EPB41L5: variants seen among roughly 807,000 people sequenced by gnomAD.
EPB41L5 encodes the protein erythrocyte membrane protein band 4.1 like 5, also known as band 4.1-like protein 5.
EPB41L5 carries 55 observed loss-of-function variants against 106.6 expected under a neutral mutation model. That is an observed-to-expected ratio of 0.52 (90% CI 0.42 to 0.65). The LOEUF is 0.65. EPB41L5 is among the 30% of genes least tolerant of loss of function. The pLI is 0.00. For missense variants in EPB41L5, 871 were observed against 882.1 expected (o/e 0.99, Z 0.16); for synonymous variants, 297 against 306.7 (o/e 0.97, Z 0.33).
chr2:120,028,614 C>T (rs1713062), intron 2 of EPB41L5, among the ~76,000 whole-genome samples: 38,716 of 151,940 alleles, frequency 0.25, 5,289 homozygotes, highest in South Asian at 0.35. Flanking sequence ...GAGACTGCTA[C>T]GGTAATACAG....
Position 120,090,390 on chromosome 2 carries a change from C to A in EPB41L5, c.917C>A (p.Pro306Gln). The A allele has an allele frequency of 6.2e-7, 1 of 1,612,878 alleles. No individual in the cohort carries two copies. The highest frequency in any genetic ancestry group is 8.5e-7 in the Non-Finnish European group (1 of 1,179,590). Residue 306 changes from proline to glutamine, a missense_variant, in exon 12 of 25, where the codon CCA (proline) becomes CAA (glutamine). Coordinates refer to ENST00000263713, the MANE Select transcript of EPB41L5 (RefSeq NM_020909.4). ...EHTFVFRLDHPKACKHLWKCA... is the reference protein window; with the variant it reads ...EHTFVFRLDHQKACKHLWKCA... ...ACATTTGTCTTTAGACTGGATCATC[C>A]AAAAGCATGCAAACATTTATGGAAA...
At chr2:120,150,895 T>C (rs1686642730) in intron 20 of EPB41L5, among the ~76,000 whole-genome samples, 1 of 152,250 alleles carries the variant, frequency 6.6e-6, no homozygotes, top group South Asian at 2.1e-4. Flanking sequence ...TCTACTTTTC[T>C]TAGGTTGTCT....
chr2:120,090,185 T>C (rs1346695655), intron 11 of EPB41L5, among the ~76,000 whole-genome samples, 162 bp from the exon 12 acceptor site: 1 of 151,568 alleles, frequency 6.6e-6, no homozygotes, highest in Non-Finnish European at 1.5e-5. Flanking sequence ...AATGAGCAAC[T>C]TGATTTCAGC....
At position 120,080,624 on chromosome 2, in the gene EPB41L5, G is replaced by A. The variant is rs1259104961; in HGVS notation, c.803+2043G>A. Among the ~76,000 whole-genome samples, 3 of 152,212 alleles carry A rather than the reference G, an allele frequency of 2.0e-5. No homozygotes were observed. The East Asian group carries it at 5.8e-4, about 29-fold the overall frequency. On this transcript the variant is annotated intron_variant, in intron 10 of 24. Coordinates refer to ENST00000263713, the MANE Select transcript of EPB41L5 (RefSeq NM_020909.4). Reference sequence around the variant, plus strand: ...TTATAATCCTTTGGGTATATACCCAGTAATGGGATGGCTGGGTCAGATGGT... The same window carrying A: ...TTATAATCCTTTGGGTATATACCCAATAATGGGATGGCTGGGTCAGATGGT...
chr2:120,112,842 CCTT>C (rs1349305369), intron 16 of EPB41L5, among the ~76,000 whole-genome samples: 2 of 152,136 alleles, frequency 1.3e-5, no homozygotes, highest in Non-Finnish European at 2.9e-5. Flanking sequence ...CTCATTTAAT[CCTT>C]ATGAGGATCT....
chr2:120,032,032 A>G (rs1678746944), intron 2 of EPB41L5, among the ~76,000 whole-genome samples: 1 of 152,188 alleles, frequency 6.6e-6, no homozygotes, highest in Admixed American at 6.5e-5. Flanking sequence ...GCAGAAAGAA[A>G]TGCATTTTGC....
intron 17 of EPB41L5, 27 bp downstream of exon 17, chr2:120,127,878 G>A (rs752037908): frequency 1.3e-6 from 2 of 1,517,500 alleles, no homozygotes; most frequent in Non-Finnish European, 1.8e-6. Flanking sequence ...TTATACATCA[G>A]TGATACCTTT....
In EPB41L5 at chr2:120,045,731, G is replaced by A. The variant is rs538507553; in HGVS notation, c.285+3621G>A. On this transcript the variant is annotated intron_variant, in intron 3 of 24. Coordinates refer to ENST00000263713, the MANE Select transcript of EPB41L5 (RefSeq NM_020909.4). ...TGTGCACAACATGCAGGTTTGTTAC[G>A]TATGTATACATGTGACATTGGTATG... 3.0e-4 allele frequency among the ~76,000 whole-genome samples: 46 copies of A among 151,798 alleles called. No homozygotes were observed. In the South Asian group the frequency reaches 9.4e-3, roughly 31 times the overall value.
Position 120,019,061 on chromosome 2 carries a change from C to G in EPB41L5, c.-8-16C>G. ...ATTTTTTTCCTGATGCCATCTTTTTCTCTCTGTTTTTATAGTGACAAAAAT... is the reference window on the plus strand; with the variant it reads ...ATTTTTTTCCTGATGCCATCTTTTTGTCTCTGTTTTTATAGTGACAAAAAT... On this transcript the variant is annotated splice_polypyrimidine_tract_variant and intron_variant, in intron 1 of 24. Transcript: ENST00000263713. 1 of 1,569,254 alleles carries G rather than the reference C, an allele frequency of 6.4e-7. No homozygotes were observed. Among genetic ancestry groups the G allele is most frequent in the Non-Finnish European group, 8.6e-7 (1 of 1,159,996 alleles).
At chr2:120,164,954 T>C (rs1286902921) in intron 22 of EPB41L5, 44 bp downstream of exon 22, 2 of 1,399,976 alleles carry the variant, frequency 1.4e-6, no homozygotes, top group Non-Finnish European at 2.0e-6. Context: ...AATTTCTGTT[T>C]TGAAAAATGT....
chr2:120,156,618 G>A (rs113821484), intron 20 of EPB41L5, among the ~76,000 whole-genome samples: 61 of 152,274 alleles, frequency 4.0e-4, no homozygotes, highest in African/African-American at 1.4e-3. Flanking sequence ...AGTGAAAATA[G>A]GCATGGAGAA....
At chr2:120,058,128 T>G (rs948777379) in intron 3 of EPB41L5, among the ~76,000 whole-genome samples, 1 of 151,690 alleles carries the variant, frequency 6.6e-6, no homozygotes, top group African/African-American at 2.4e-5. Context: ...TTCTCTCATT[T>G]AAAAAAAAAT....
chr2:120,092,264 A>G (rs1683473557), intron 13 of EPB41L5, among the ~76,000 whole-genome samples: 1 of 152,068 alleles, frequency 6.6e-6, no homozygotes, highest in Admixed American at 6.6e-5. Context: ...CCTGACCTCA[A>G]GTGATCCACC....
chr2:120,173,396 T>G (rs914749565), intron 24 of EPB41L5, among the ~76,000 whole-genome samples: 1 of 152,184 alleles, frequency 6.6e-6, no homozygotes, highest in African/African-American at 2.4e-5. Flanking sequence ...GGAGACAGGT[T>G]TGTTTAAACA....
At chr2:120,032,033 T>C (rs1362613797) in intron 2 of EPB41L5, among the ~76,000 whole-genome samples, 2 of 152,048 alleles carry the variant, frequency 1.3e-5, no homozygotes, top group Non-Finnish European at 2.9e-5. Context: ...CAGAAAGAAA[T>C]GCATTTTGCA....
At position 120,176,795 on chromosome 2, in the gene EPB41L5, C is replaced by CCTCAGCTTGGAAGACCT. The variant is rs1687933431; in HGVS notation, c.*1888_*1889insCTCAGCTTGGAAGACCT. The CCTCAGCTTGGAAGACCT allele has an allele frequency of 2.6e-5, 4 of 152,162 alleles. No homozygotes were observed. The highest frequency in any genetic ancestry group is 5.9e-5 in the Non-Finnish European group (4 of 68,030). 9.4% of individuals were successfully genotyped at this position (152,162 alleles called of 1,614,324 possible). On this transcript the variant is annotated 3_prime_UTR_variant, in exon 25 of 25. Transcript: ENST00000263713. ...GCTGCTCACCACAGAGCAGCTGAGGCATTATGCCTTGGAAGACCTAAATCT... is the reference window on the plus strand; with the variant it reads ...GCTGCTCACCACAGAGCAGCTGAGGCCTCAGCTTGGAAGACCTATTATGCCTTGGAAGACCTAAATCT...
chr2:120,167,710 TAA>T (rs147137694), intron 23 of EPB41L5, among the ~76,000 whole-genome samples, 165 bp from the exon 24 acceptor site: 15 of 152,362 alleles, frequency 9.8e-5, no homozygotes, highest in African/African-American at 3.6e-4. Context: ...GAAACAAAAG[TAA>T]AAGTCTCAGA....
intron 3 of EPB41L5, 101 bp downstream of exon 3, chr2:120,042,211 T>G (rs1413970148): frequency 1.2e-6 from 1 of 851,508 alleles, no homozygotes; most frequent in Non-Finnish European, 1.9e-6. Flanking sequence ...TGATGTGTTA[T>G]TGTGATATAA....
intron 16 of EPB41L5, among the ~76,000 whole-genome samples, chr2:120,124,870 C>T (rs1459241008): frequency 1.3e-5 from 2 of 151,868 alleles, no homozygotes; most frequent in African/African-American, 4.8e-5. Flanking sequence ...ATTGTTTTTT[C>T]GTGATGAGAT....
Sources: allele counts gnomAD v4.1 joint callset (sites outside exome capture counted in the v4.1 genomes callset), GRCh38; gene constraint gnomAD v4.1.1; transcripts MANE v1.5; gene names NCBI Gene and HGNC (gene_info 2026-07-23, HGNC 2026-07-21).